The following OPA3 variants were observed in gnomAD, a reference collection of about 807,000 sequenced individuals.
OPA3 encodes outer mitochondrial membrane lipid metabolism regulator OPA3, also known as optic atrophy 3 protein.
Under a neutral mutation model 4.0 loss-of-function variants are expected in OPA3, and 6 were observed. The observed-to-expected ratio is 1.51, with a 90% CI of 0.83 to 2.99. The LOEUF (loss-of-function observed/expected upper bound fraction) is 2.99, where lower values mean the gene tolerates loss of function less well. Ranked by LOEUF, OPA3 falls within the 30% of genes most tolerant of loss-of-function variation. The probability of loss-of-function intolerance (pLI) is 0.00; values close to 1 mark genes in which losing one functional copy is unlikely to be tolerated. For synonymous variants in OPA3, 105 were observed against 117.1 expected, an observed-to-expected ratio of 0.90 and a Z score of 0.67; for missense variants, 235 against 256.2, an observed-to-expected ratio of 0.92 and a Z score of 0.56.
At chr19:45,562,729 G>A (rs763094538) in intron 1 of OPA3, among the ~76,000 whole-genome samples, 62 of 152,102 alleles carry the variant, frequency 4.1e-4, no homozygotes, top group Non-Finnish European at 7.4e-4. Flanking sequence ...CTAAATGAAC[G>A]TGCATTTCTG....
In OPA3 at chr19:45,548,538, C is replaced by T. The variant is rs1568400054; in HGVS notation, c.*4976G>A. ...CAGGGAACACTGGAAAAGAAATGTA[C>T]GTGTGAGCATCTGTAAGACCCGGTG... On this transcript the variant is annotated 3_prime_UTR_variant, in exon 2 of 2. Coordinates refer to ENST00000263275, the MANE Select transcript of OPA3 (RefSeq NM_025136.4). 4 of 985,420 alleles carry T rather than the reference C, an allele frequency of 4.1e-6. No homozygotes were observed. The highest frequency in any genetic ancestry group is 4.8e-6 in the Non-Finnish European group (4 of 829,940). 61.0% of individuals were successfully genotyped at this position (985,420 alleles called of 1,614,324 possible). A position where few individuals can be genotyped will look rare whatever the true frequency, so the allele number is the denominator to read the frequency against.
rs1382779104 is a variant in OPA3, at chr19:45,553,840, T to C, written c.214A>G (p.Asn72Asp). The C allele has an allele frequency of 6.2e-6, 10 of 1,613,038 alleles. No individual in the cohort carries two copies. Among genetic ancestry groups the C allele is most frequent in the Non-Finnish European group, 6.8e-6 (8 of 1,179,478 alleles). ...CCCAGCTCAGCTGCCGCCTCCTCGT[T>C]CAGCGGCTTGATGACCGTGCCCCGG... Reference protein sequence around the residue: ...GFRGTVIKPLNEEAAAELGAE... With the variant: ...GFRGTVIKPLDEEAAAELGAE... The change falls in exon 2 of 2, where the codon AAC (asparagine) becomes GAC (aspartate). Residue 72 changes from asparagine to aspartate, a missense_variant. Physicochemically the swap from Asn to Asp is conservative, Grantham distance 23. Transcript: ENST00000263275.
chr19:45,568,391 T>A (rs1969613669), intron 1 of OPA3, among the ~76,000 whole-genome samples: 1 of 152,050 alleles, frequency 6.6e-6, no homozygotes, highest in African/African-American at 2.4e-5. Flanking sequence ...GGTTTCACCA[T>A]GTTGGCCAGG....
intron 1 of OPA3, among the ~76,000 whole-genome samples, chr19:45,557,258 G>T (rs1969434761): frequency 6.6e-6 from 1 of 152,208 alleles, no homozygotes; most frequent in African/African-American, 2.4e-5. Context: ...AAGAGGGTGT[G>T]TGTGTGTGTG....
downstream of OPA3, among the ~76,000 whole-genome samples, chr19:45,544,422 C>T (rs147879478): frequency 6.0e-5 from 9 of 151,030 alleles, no homozygotes; most frequent in African/African-American, 1.2e-4. Flanking sequence ...CACTTTGGGA[C>T]GGCAAGGCAG....
At chr19:45,570,641 T>C (rs1198958724) in intron 1 of OPA3, among the ~76,000 whole-genome samples, 1 of 151,876 alleles carries the variant, frequency 6.6e-6, no homozygotes, top group Non-Finnish European at 1.5e-5. Flanking sequence ...GAGCTGAGAT[T>C]GAACCACTGC....
intron 1 of OPA3, among the ~76,000 whole-genome samples, chr19:45,575,228 G>A (rs980862272): frequency 2.2e-4 from 34 of 152,016 alleles, no homozygotes; most frequent in African/African-American, 7.7e-4. Flanking sequence ...TCAGCCTCCT[G>A]AGAAGCTGGG....
At chr19:45,560,891 G>T (rs1969492039) in intron 1 of OPA3, among the ~76,000 whole-genome samples, 2 of 152,196 alleles carry the variant, frequency 1.3e-5, no homozygotes, top group Non-Finnish European at 2.9e-5. Flanking sequence ...CAAGTAAAGT[G>T]ACGTACTTGG....
chr19:45,531,028 G>A (rs540747036), intron 1 of OPA3, among the ~76,000 whole-genome samples: 1 of 131,246 alleles, frequency 7.6e-6, no homozygotes, highest in Admixed American at 9.1e-5. Context: ...GGCCTCAAGT[G>A]ATCCACCCGC....
chr19:45,561,218 A>G (rs1321298957), intron 1 of OPA3, among the ~76,000 whole-genome samples: 2 of 152,138 alleles, frequency 1.3e-5, no homozygotes. Context: ...CTGTAATCCC[A>G]GCTACTCGGG....
intron 1 of OPA3, among the ~76,000 whole-genome samples, chr19:45,561,898 G>T (rs576399369): frequency 6.6e-6 from 1 of 151,632 alleles, no homozygotes; most frequent in East Asian, 1.9e-4. Flanking sequence ...CCGAGACCAT[G>T]CCAGTCAGTG....
At chr19:45,568,984 C>T (rs775537379) in intron 1 of OPA3, among the ~76,000 whole-genome samples, 22 of 152,162 alleles carry the variant, frequency 1.4e-4, no homozygotes, top group Non-Finnish European at 2.5e-4. Context: ...TCCTGGCACA[C>T]AGCAGGCACT....
downstream of OPA3, among the ~76,000 whole-genome samples, chr19:45,543,138 T>C (rs923305010): frequency 5.3e-5 from 8 of 151,648 alleles, no homozygotes; most frequent in African/African-American, 1.9e-4. Context: ...GCCTCCCTCG[T>C]AGCTGGGACT....
At chr19:45,555,492 A>G (rs973250004) in intron 1 of OPA3, among the ~76,000 whole-genome samples, 29 of 95,820 alleles carry the variant, frequency 3.0e-4, no homozygotes, top group Non-Finnish European at 1.0e-4. Context: ...TGCCTGGCTA[A>G]TATTTTTTTT....
In OPA3 at chr19:45,553,606, C is replaced by G. The variant is rs1186341968; in HGVS notation, c.448G>C (p.Glu150Gln). ...TCTTGCAGCTCTGTGCGCAGTTCCT[C>G]CAGGGCGCCCTGTGGCGGCGCCGCC... ...VQAAPPQGALEELRTELQEVR... is the reference protein window; with the variant it reads ...VQAAPPQGALQELRTELQEVR... The change falls in exon 2 of 2, where the codon GAG (glutamate) becomes CAG (glutamine). Residue 150 changes from glutamate (E) to glutamine (Q), a missense_variant. Glu to Gln is a conservative substitution (Grantham distance 29, BLOSUM62 2). Coordinates refer to ENST00000263275, the MANE Select transcript of OPA3 (RefSeq NM_025136.4). 3 of 1,610,416 alleles carry G rather than the reference C, an allele frequency of 1.9e-6. No individual in the cohort carries two copies. The highest frequency in any genetic ancestry group is 1.3e-5 in the African/African-American group (1 of 75,030).
chr19:45,548,231 T>C lies in OPA3; in HGVS notation c.*5283A>G. 1.0e-6 allele frequency: 1 copy of C among 985,360 alleles called. No individual in the cohort carries two copies. The highest frequency in any genetic ancestry group is 1.2e-6 in the Non-Finnish European group (1 of 829,956). 61.0% of individuals were successfully genotyped at this position (985,360 alleles called of 1,614,324 possible). A position where few individuals can be genotyped will look rare whatever the true frequency, so the allele number is the denominator to read the frequency against. ...AGCAACACAGCGACCAGCCCAGGAG[T>C]AGCTCCGTGAGCCAATAGATCAGGT... On this transcript the variant is annotated 3_prime_UTR_variant, in exon 2 of 2. Transcript: ENST00000263275.
At chr19:45,529,075 G>T in exon 2 of OPA3, 1 of 1,599,088 alleles carries the variant, frequency 6.3e-7, no homozygotes, top group Non-Finnish European at 8.5e-7. Context: ...GGACGCCGGC[G>T]CAACTGGGGG....
chr19:45,581,716 C>T (rs1446770703), intron 1 of OPA3, among the ~76,000 whole-genome samples: 1 of 152,174 alleles, frequency 6.6e-6, no homozygotes, highest in Non-Finnish European at 1.5e-5. Flanking sequence ...TTGCCCGCTG[C>T]CTAGACAGAG....
intron 1 of OPA3, among the ~76,000 whole-genome samples, chr19:45,572,944 G>A (rs1969710222): frequency 6.6e-6 from 1 of 150,836 alleles, no homozygotes; most frequent in Non-Finnish European, 1.5e-5. Flanking sequence ...AAGAGTTTAT[G>A]TTTGCCCTTG....
Sources: allele counts gnomAD v4.1 joint callset (sites outside exome capture counted in the v4.1 genomes callset), GRCh38; gene constraint gnomAD v4.1.1; transcripts MANE v1.5; gene names NCBI Gene and HGNC (gene_info 2026-07-23, HGNC 2026-07-21).